The following DPYD variants were observed in gnomAD, a reference collection of about 807,000 sequenced individuals.
DPYD encodes dihydropyrimidine dehydrogenase.
Under a neutral mutation model 116.2 loss-of-function variants are expected in DPYD, and 109 were observed. The observed-to-expected ratio is 0.94, with a 90% CI of 0.80 to 1.10. The LOEUF (loss-of-function observed/expected upper bound fraction) is 1.10, where lower values mean the gene tolerates loss of function less well. DPYD is among the 50% of genes least tolerant of loss of function. The pLI is 0.00. For missense variants in DPYD, 1,302 were observed against 1,254.5 expected (o/e 1.04, Z -0.57); for synonymous variants, 440 against 432.0 (o/e 1.02, Z -0.23).
chr1:97,481,719 A>G (rs1678327001), intron 13 of DPYD, among the ~76,000 whole-genome samples: 1 of 152,226 alleles, frequency 6.6e-6, no homozygotes, highest in African/African-American at 2.4e-5. Context: ...AATACTAAAA[A>G]TGACAAAATT....
chr1:97,341,331 T>C (rs1444334432), intron 16 of DPYD, among the ~76,000 whole-genome samples: 2 of 152,202 alleles, frequency 1.3e-5, no homozygotes, highest in Admixed American at 6.5e-5. Context: ...TCAAGTTGAA[T>C]TGCAAAGCCC....
chr1:97,361,572 C>T (rs940044640), intron 16 of DPYD, among the ~76,000 whole-genome samples: 1 of 152,112 alleles, frequency 6.6e-6, no homozygotes, highest in African/African-American at 2.4e-5. Context: ...ACTGGCAAAG[C>T]GAATCCAGCA....
intron 2 of DPYD, among the ~76,000 whole-genome samples, chr1:97,841,515 G>A (rs969842707): frequency 2.6e-5 from 4 of 152,004 alleles, no homozygotes; most frequent in African/African-American, 9.7e-5. Flanking sequence ...TTTACAAGCA[G>A]TGAAAAAGGA....
chr1:97,850,186 A>C (rs1175633842), intron 2 of DPYD, among the ~76,000 whole-genome samples: 1 of 152,194 alleles, frequency 6.6e-6, no homozygotes, highest in East Asian at 1.9e-4. Context: ...TTATAAGGGA[A>C]TCTTACAGAA....
intron 13 of DPYD, among the ~76,000 whole-genome samples, chr1:97,457,020 C>T (rs1455594891): frequency 6.6e-6 from 1 of 152,012 alleles, no homozygotes; most frequent in Non-Finnish European, 1.5e-5. Flanking sequence ...CACAACATGG[C>T]ACGGTGTGTA....
At chr1:97,823,303 C>T (rs1217427813) in intron 3 of DPYD, among the ~76,000 whole-genome samples, 7 of 152,060 alleles carry the variant, frequency 4.6e-5, no homozygotes, top group East Asian at 1.9e-4. Context: ...TACAGGCCCC[C>T]GCCACCATAC....
At chr1:97,775,735 C>A (rs12739159) in intron 3 of DPYD, among the ~76,000 whole-genome samples, 2 of 151,874 alleles carry the variant, frequency 1.3e-5, no homozygotes, top group African/African-American at 4.8e-5. Context: ...AGAGCAGGTG[C>A]AATGTTTGCT....
intron 8 of DPYD, among the ~76,000 whole-genome samples, chr1:97,633,319 A>C (rs1297298843): frequency 2.0e-5 from 3 of 152,092 alleles, no homozygotes; most frequent in Non-Finnish European, 2.9e-5. Context: ...CTATAATGTA[A>C]AGGGAACTAA....
chr1:97,098,468 T>C (rs56406418), intron 21 of DPYD, 21 bp downstream of exon 21: 19 of 1,609,570 alleles, frequency 1.2e-5, no homozygotes, highest in Non-Finnish European at 1.4e-5. Context: ...GGCATACTTA[T>C]ATAGTTGGCA....
intron 13 of DPYD, among the ~76,000 whole-genome samples, chr1:97,510,991 T>C (rs952497572): frequency 4.0e-5 from 6 of 151,866 alleles, no homozygotes; most frequent in Non-Finnish European, 8.8e-5. Flanking sequence ...ATGATTGCTA[T>C]ATGCCCCACA....
intron 16 of DPYD, among the ~76,000 whole-genome samples, chr1:97,349,889 A>G (rs1670052237): frequency 6.8e-6 from 1 of 147,350 alleles, no homozygotes; most frequent in Non-Finnish European, 1.5e-5. Flanking sequence ...GTCAAATGGT[A>G]TTTCTAGTTC....
chr1:97,820,979 C>T (rs535514226), intron 3 of DPYD, among the ~76,000 whole-genome samples: 3 of 152,032 alleles, frequency 2.0e-5, no homozygotes, highest in South Asian at 4.2e-4. Context: ...CAGAATCTGA[C>T]GTCACCTTTT....
At chr1:97,509,924 A>G (rs1647647488) in intron 13 of DPYD, among the ~76,000 whole-genome samples, 1 of 151,954 alleles carries the variant, frequency 6.6e-6, no homozygotes, top group Non-Finnish European at 1.5e-5. Flanking sequence ...TTTAGTCCTT[A>G]ATAGATTCAA....
chr1:97,173,255 T>C (rs993241379), intron 20 of DPYD, among the ~76,000 whole-genome samples: 1 of 148,060 alleles, frequency 6.8e-6, no homozygotes, highest in Non-Finnish European at 1.5e-5. Context: ...TGTACATATA[T>C]GCACACATAT....
intron 16 of DPYD, among the ~76,000 whole-genome samples, chr1:97,365,183 C>T (rs1670961462): frequency 6.6e-6 from 1 of 152,200 alleles, no homozygotes; most frequent in Non-Finnish European, 1.5e-5. Flanking sequence ...CTCCTTTACT[C>T]TCGAGTCATT....
chr1:97,754,666 T>C (rs535221565), intron 3 of DPYD, among the ~76,000 whole-genome samples: 38 of 152,372 alleles, frequency 2.5e-4, no homozygotes, highest in African/African-American at 9.1e-4. Flanking sequence ...TTTTGCTAAG[T>C]GCTGGAGATA....
At chr1:97,124,498 G>T (rs1050363761) in intron 20 of DPYD, among the ~76,000 whole-genome samples, 2 of 152,052 alleles carry the variant, frequency 1.3e-5, no homozygotes, top group Non-Finnish European at 2.9e-5. Flanking sequence ...CCAAGCACAG[G>T]TTCAGTAGGT....
intron 8 of DPYD, among the ~76,000 whole-genome samples, chr1:97,666,494 T>C (rs1659568855): frequency 6.6e-6 from 1 of 150,400 alleles, no homozygotes; most frequent in Non-Finnish European, 1.5e-5. Context: ...TGTGTGTGTG[T>C]TTTTTTTCTT....
chr1:97,846,003 T>C (rs2101549405), intron 2 of DPYD, among the ~76,000 whole-genome samples: 1 of 152,244 alleles, frequency 6.6e-6, no homozygotes, highest in African/African-American at 2.4e-5. Flanking sequence ...CCACACTCAC[T>C]CACTCACACA....
Sources: gnomAD v4.1 joint callset for allele counts (sites outside exome capture counted in the v4.1 genomes callset) on GRCh38, gnomAD v4.1.1 for gene constraint, MANE v1.5 for transcripts, NCBI Gene and HGNC (gene_info 2026-07-23, HGNC 2026-07-21) for gene names.